Variants in ABCA4 observed in about 807,000 individuals in gnomAD.
ABCA4 encodes retinal-specific phospholipid-transporting ATPase ABCA4.
Under a neutral mutation model 263.7 loss-of-function variants are expected in ABCA4, and 196 were observed. The ratio of observed to expected loss-of-function variants is 0.74; its 90% CI spans 0.66 to 0.84. ABCA4 has a LOEUF of 0.84. Ranked by LOEUF, ABCA4 falls within the 40% of genes least tolerant of loss-of-function variation. ABCA4 has a pLI of 0.00. For missense variants in ABCA4, 2,792 were observed against 2,855.1 expected (o/e 0.98, Z 0.50); for synonymous variants, 1,133 against 1,094.2 (o/e 1.04, Z -0.70).
Position 94,055,136 on chromosome 1 carries a change from A to G in ABCA4, c.2562T>C (p.Ala854=). ...LLDAAVYGLL[A]WYLDQVFPGD... is the part of the protein sequence containing the mutation. ...CTGGAAACACCTGATCAAGGTACCAAGCGAGTAAGCCATAGACAGCAGCAT... is the reference window on the plus strand; with the variant it reads ...CTGGAAACACCTGATCAAGGTACCAGGCGAGTAAGCCATAGACAGCAGCAT... The change falls in exon 16 of 50, where the codon GCT becomes GCC. Residue 854 remains alanine (A), a synonymous_variant. Coordinates refer to ENST00000370225, the MANE Select transcript of ABCA4 (RefSeq NM_000350.3). The G allele has an allele frequency of 1.2e-6, 2 of 1,614,190 alleles. No homozygotes were observed. The highest frequency in any genetic ancestry group is 1.7e-6 in the Non-Finnish European group (2 of 1,180,042).
intron 1 of ABCA4, among the ~76,000 whole-genome samples, chr1:94,115,940 A>G (rs1169022175): frequency 6.6e-6 from 1 of 152,086 alleles, no homozygotes; most frequent in Non-Finnish European, 1.5e-5. Context: ...CTCCATATAT[A>G]AAGAGGGAGG....
chr1:94,045,267 C>A (rs181658483), intron 19 of ABCA4, among the ~76,000 whole-genome samples: 299 of 151,506 alleles, frequency 2.0e-3, no homozygotes, highest in African/African-American at 6.6e-3. Context: ...ATTACCACCA[C>A]CAATATTAGC....
intron 14 of ABCA4, among the ~76,000 whole-genome samples, chr1:94,057,806 T>C (rs1438018735): frequency 6.6e-6 from 1 of 152,242 alleles, no homozygotes; most frequent in Non-Finnish European, 1.5e-5. Context: ...TCAAAGGTAT[T>C]AGACCTTCTT....
intron 1 of ABCA4, among the ~76,000 whole-genome samples, chr1:94,117,031 T>C (rs954461637): frequency 6.8e-6 from 1 of 146,570 alleles, no homozygotes; most frequent in Non-Finnish European, 1.5e-5. Context: ...TCTTTCCTTT[T>C]CTTTCTTTCT....
At chr1:94,093,835 G>A (rs776750880) in intron 6 of ABCA4, among the ~76,000 whole-genome samples, 5 of 152,130 alleles carry the variant, frequency 3.3e-5, no homozygotes, top group Non-Finnish European at 5.9e-5. Context: ...TATTTTGATG[G>A]TAATAGGTAA....
Position 94,001,871 on chromosome 1 carries a change from G to A in ABCA4, c.6269C>T (p.Pro2090Leu), listed in dbSNP as rs533271864. Residue 2090 changes from proline to leucine, a missense_variant, in exon 45 of 50, where the codon CCG becomes CTG. By Grantham distance (98) the Pro-to-Leu change is moderately conservative. Transcript: ENST00000370225. Reference sequence around the variant, plus strand: ...GCCCGCAGTTACCAGCAGCACCAGCGGTGGGCAGCCAATGAGTGCGATGGC... The same window carrying A: ...GCCCGCAGTTACCAGCAGCACCAGCAGTGGGCAGCCAATGAGTGCGATGGC... Reference protein sequence around the residue: ...STAIALIGCPPLVLLDEPTTG... With the variant: ...STAIALIGCPLLVLLDEPTTG... 1.9e-6 allele frequency: 3 copies of A among 1,614,230 alleles called. No individual in the cohort carries two copies. The highest frequency in any genetic ancestry group is 1.7e-5 in the Admixed American group (1 of 60,038).
intron 1 of ABCA4, among the ~76,000 whole-genome samples, chr1:94,113,962 G>T (rs1012461428): frequency 6.6e-6 from 1 of 152,216 alleles, no homozygotes; most frequent in Non-Finnish European, 1.5e-5. Flanking sequence ...TGGAGAGGAA[G>T]AGGGAGAGGG....
At chr1:94,042,098 C>CAAAAAAAAAAAAAAA (rs11334956) in intron 22 of ABCA4, among the ~76,000 whole-genome samples, 7 of 81,268 alleles carry the variant, frequency 8.6e-5, no homozygotes, top group African/African-American at 1.5e-4. Flanking sequence ...GATTCTGTCT[C>CAAAAAAAAAAAAAAA]AAAAAAAAAA....
intron 1 of ABCA4, among the ~76,000 whole-genome samples, chr1:94,116,708 C>T (rs891690229): frequency 2.0e-5 from 3 of 152,120 alleles, no homozygotes; most frequent in Admixed American, 6.5e-5. Flanking sequence ...CTCCCCAGAG[C>T]GGCATCCCTG....
At chr1:94,112,418 C>G (rs746184626) in intron 2 of ABCA4, among the ~76,000 whole-genome samples, 5 of 152,122 alleles carry the variant, frequency 3.3e-5, no homozygotes, top group Non-Finnish European at 7.4e-5. Context: ...AAAATAAAAA[C>G]TAGCAACAAC....
intron 45 of ABCA4, 98 bp downstream of exon 45, chr1:94,001,760 C>T: frequency 6.4e-7 from 1 of 1,567,402 alleles, no homozygotes; most frequent in Non-Finnish European, 8.7e-7. Flanking sequence ...AGCCAAACTG[C>T]TGCAGTTTCT....
chr1:94,087,128 C>A (rs1661853098), intron 6 of ABCA4, among the ~76,000 whole-genome samples: 1 of 152,166 alleles, frequency 6.6e-6, no homozygotes, highest in Non-Finnish European at 1.5e-5. Context: ...CTCCGAAAGG[C>A]CCCACCTCCT....
At chr1:94,050,979 CA>C (rs912360246) in intron 17 of ABCA4, among the ~76,000 whole-genome samples, 5 of 152,190 alleles carry the variant, frequency 3.3e-5, no homozygotes, top group African/African-American at 1.2e-4. Context: ...TCAGACCTCA[CA>C]AAAGAGTCTG....
intron 6 of ABCA4, among the ~76,000 whole-genome samples, chr1:94,095,645 C>G (rs1480835343): frequency 6.6e-6 from 1 of 152,016 alleles, no homozygotes. Context: ...CTGCCCTGAG[C>G]CTTTCTGGGC....
chr1:94,036,620 T>C (rs2101042623), intron 26 of ABCA4, 120 bp downstream of exon 26: 1 of 1,082,578 alleles, frequency 9.2e-7, no homozygotes, highest in East Asian at 2.4e-5. Context: ...CCATCTGCCT[T>C]GGCCTCCCAA....
rs281865400 is a variant in ABCA4 at position 94,044,743 on chromosome 1, A to G, written c.2920T>C (p.Ser974Pro). Residue 974 changes from serine (S) to proline (P), a missense_variant and splice_region_variant, in exon 20 of 50, where the codon TCC becomes CCC. By Grantham distance (74) the Ser-to-Pro change is moderately conservative (BLOSUM62 -1). Coordinates refer to ENST00000370225, the MANE Select transcript of ABCA4 (RefSeq NM_000350.3). ...HNGAGKTTTL[S>P]ILTGLLPPTS... is the part of the protein sequence containing the mutation. ...GGTGGCAACAGACCCGTCAGGATGG[A>G]CCTGCAGAACACAGGCGTCAGTGGC... 6.2e-7 allele frequency: 1 copy of G among 1,614,054 alleles called. No homozygotes were observed. Among genetic ancestry groups the G allele is most frequent in the Non-Finnish European group, 8.5e-7 (1 of 1,180,018 alleles).
rs1175334072 is a variant in ABCA4 at position 94,062,677 on chromosome 1, C to T, written c.1837G>A (p.Asp613Asn). 1 of 1,614,154 alleles carries T rather than the reference C, an allele frequency of 6.2e-7. No individual in the cohort carries two copies. Among genetic ancestry groups the T allele is most frequent in the Non-Finnish European group, 8.5e-7 (1 of 1,180,048 alleles). The change falls in exon 13 of 50, where the codon GAC becomes AAC. Residue 613 changes from aspartate (D) to asparagine (N), a missense_variant. Physicochemically the swap from Asp to Asn is conservative, Grantham distance 23. Coordinates refer to ENST00000370225, the MANE Select transcript of ABCA4 (RefSeq NM_000350.3). The part of the protein sequence containing the change: ...YIWGGFAYLQ[D>N]MVEQGITRSQ... ...CTTGTGATCCCCTGTTCAACCATGTCCTGCAGATAGGCAAACCCGCCCCAG... is the reference window on the plus strand; with the variant it reads ...CTTGTGATCCCCTGTTCAACCATGTTCTGCAGATAGGCAAACCCGCCCCAG...
intron 4 of ABCA4, among the ~76,000 whole-genome samples, chr1:94,104,211 C>G (rs1662359180): frequency 6.6e-6 from 1 of 152,186 alleles, no homozygotes; most frequent in South Asian, 2.1e-4. Flanking sequence ...GAGGCTCTGG[C>G]CAGAGAAGAG....
At chr1:94,091,315 C>G (rs1254390307) in intron 6 of ABCA4, among the ~76,000 whole-genome samples, 1 of 152,116 alleles carries the variant, frequency 6.6e-6, no homozygotes, top group Non-Finnish European at 1.5e-5. Flanking sequence ...GGTCCTCACA[C>G]CTTACATCTC....
Sources: allele counts gnomAD v4.1 joint callset (sites outside exome capture counted in the v4.1 genomes callset), GRCh38; gene constraint gnomAD v4.1.1; transcripts MANE v1.5; gene names NCBI Gene and HGNC (gene_info 2026-07-23, HGNC 2026-07-21).